The following CDKL1 variants were observed in gnomAD, a reference collection of about 807,000 sequenced individuals.
CDKL1 encodes the protein cyclin-dependent kinase-like 1.
In CDKL1, 41 loss-of-function variants were observed where a neutral mutation model predicts 42.0. The ratio of observed to expected loss-of-function variants is 0.98; its 90% CI spans 0.76 to 1.27. CDKL1 has a LOEUF of 1.27. Among genes scored for constraint, CDKL1 ranks in the 50% most tolerant of loss-of-function variants. The pLI, the probability that CDKL1 is intolerant of heterozygous loss-of-function variation, is 0.00. For synonymous variants in CDKL1, 153 were observed against 158.6 expected, an observed-to-expected ratio of 0.96 and a Z score of 0.26; for missense variants, 394 against 428.4, an observed-to-expected ratio of 0.92 and a Z score of 0.71.
intron 2 of CDKL1, among the ~76,000 whole-genome samples, chr14:50,393,232 A>C (rs2035308897): frequency 6.6e-6 from 1 of 152,198 alleles, no homozygotes; most frequent in South Asian, 2.1e-4. Flanking sequence ...AAGAGTTCTT[A>C]CCAGGCAAGG....
In CDKL1 at chr14:50,332,464, T is replaced by G. The variant is rs183944359; in HGVS notation, c.796-32A>C. Reference sequence around the variant, plus strand: ...GAACAGAAAATTCCTTCTTCTTACTTCTTCAAAATTGTATTAACTTATTAA... The same window carrying G: ...GAACAGAAAATTCCTTCTTCTTACTGCTTCAAAATTGTATTAACTTATTAA... On this transcript the variant is annotated intron_variant, in intron 8 of 9. Coordinates refer to ENST00000395834, the MANE Select transcript of CDKL1 (RefSeq NM_004196.7). 866 of 1,569,874 alleles carry G rather than the reference T, an allele frequency of 5.5e-4. 3 individuals are homozygous for G. The African/African-American group carries it at 0.011, about 19-fold the overall frequency.
intron 7 of CDKL1, 39 bp downstream of exon 7, chr14:50,338,908 G>A: frequency 7.8e-7 from 1 of 1,275,442 alleles, no homozygotes; most frequent in Non-Finnish European, 1.1e-6. Context: ...AGCCTAGCTA[G>A]CCTGGCCTAC....
chr14:50,334,261 A>G (rs11570860), intron 8 of CDKL1: 4,068 of 215,294 alleles, frequency 0.019, 203 homozygotes, highest in East Asian at 0.17. Flanking sequence ...GGCTCAAGCA[A>G]TTCTCCCGCC....
Position 50,341,137 on chromosome 14 carries a change from C to A in CDKL1, c.550G>T (p.Asp184Tyr). 6.2e-7 allele frequency: 1 copy of A among 1,614,214 alleles called. No individual in the cohort carries two copies. Among genetic ancestry groups the A allele is most frequent in the South Asian group, 1.1e-5 (1 of 91,082 alleles). ...VGDTQYGPPV[D>Y]VWAIGCVFAE... is the part of the protein sequence containing the mutation. Reference sequence around the variant, plus strand: ...AAGACACAGCCAATTGCCCAAACATCCACCGGGGGGCCGTACTGCGTGTCC... The same window carrying A: ...AAGACACAGCCAATTGCCCAAACATACACCGGGGGGCCGTACTGCGTGTCC... The change falls in exon 6 of 10, where the codon GAT becomes TAT. Residue 184 changes from aspartate (D) to tyrosine (Y), a missense_variant. Asp to Tyr is a radical substitution (Grantham distance 160). Coordinates refer to ENST00000395834, the MANE Select transcript of CDKL1 (RefSeq NM_004196.7).
chr14:50,342,422 C>A, intron 4 of CDKL1, 200 bp from the exon 5 acceptor site: 1 of 1,339,790 alleles, frequency 7.5e-7, no homozygotes. Context: ...CCTAAAAGGC[C>A]CAAAAGAGCC....
At chr14:50,387,051 C>T (rs1198894679) in intron 2 of CDKL1, among the ~76,000 whole-genome samples, 2 of 123,282 alleles carry the variant, frequency 1.6e-5, no homozygotes, top group South Asian at 2.6e-4. Flanking sequence ...AAAAAGAATA[C>T]AAAGAATTAG....
intron 7 of CDKL1, 75 bp downstream of exon 7, chr14:50,338,872 G>A: frequency 1.1e-6 from 1 of 924,570 alleles, no homozygotes; most frequent in Non-Finnish European, 1.8e-6. Context: ...GTGAGCCATG[G>A]GGCTCAGGAG....
chr14:50,362,228 C>T (rs1177834103), intron 2 of CDKL1: 4 of 362,210 alleles, frequency 1.1e-5, no homozygotes, highest in South Asian at 5.8e-5. Context: ...CAGAACCGCC[C>T]CCTGCTCCGC....
chr14:50,383,562 AAAAC>A (rs2034986173), intron 2 of CDKL1, among the ~76,000 whole-genome samples: 2 of 34,800 alleles, frequency 5.7e-5, no homozygotes, highest in Admixed American at 5.4e-4. Context: ...AAAAAAAAAA[AAAAC>A]AAACAACAAC....
chr14:50,333,758 A>G (rs1403624027), intron 8 of CDKL1: 1 of 152,116 alleles, frequency 6.6e-6, no homozygotes, highest in African/African-American at 2.4e-5. Flanking sequence ...TTACATTATC[A>G]TTTATATTAA....
chr14:50,334,908 CTT>C (rs1027741364), intron 7 of CDKL1: 1 of 227,320 alleles, frequency 4.4e-6, no homozygotes, highest in Non-Finnish European at 7.8e-6. Context: ...TGAAAAAAAA[CTT>C]TTCTGAGCAG....
At chr14:50,370,829 C>T (rs1360441917) in intron 2 of CDKL1, among the ~76,000 whole-genome samples, 1 of 152,146 alleles carries the variant, frequency 6.6e-6, no homozygotes, top group African/African-American at 2.4e-5. Flanking sequence ...CTCACTATCA[C>T]GAAGACAACA....
intron 2 of CDKL1, among the ~76,000 whole-genome samples, chr14:50,389,235 G>C (rs1415266483): frequency 6.6e-5 from 10 of 151,960 alleles, no homozygotes; most frequent in South Asian, 6.2e-4. Flanking sequence ...GGATGCTCTG[G>C]ACATTCTGCA....
chr14:50,381,098 A>G (rs1427593428), intron 2 of CDKL1, among the ~76,000 whole-genome samples: 1 of 152,156 alleles, frequency 6.6e-6, no homozygotes, highest in African/African-American at 2.4e-5. Flanking sequence ...TGCCTAATTT[A>G]CCAAGTGATT....
chr14:50,390,129 C>A, intron 2 of CDKL1: 1 of 1,364,406 alleles, frequency 7.3e-7, no homozygotes, highest in Middle Eastern at 2.1e-4. Flanking sequence ...TTGCCCCTAC[C>A]TGCCACATAG....
At chr14:50,333,838 CATTTT>C (rs915861458) in intron 8 of CDKL1, 8 of 151,498 alleles carry the variant, frequency 5.3e-5, no homozygotes, top group African/African-American at 1.7e-4. Flanking sequence ...AACTTGCAAA[CATTTT>C]AGTTGATACC....
chr14:50,378,598 A>G lies in CDKL1; in HGVS notation c.168+17103T>C, dbSNP rs137892695. Among the ~76,000 whole-genome samples, 924 of 152,154 alleles carry G rather than the reference A, an allele frequency of 6.1e-3. 9 individuals carry two copies. Among genetic ancestry groups the G allele is most frequent in the African/African-American group, 0.021 (858 of 41,510 alleles). The stretch of plus-strand genomic sequence containing the variant: ...ATCCAGGCTGGAGTGCAGTGGCATG[A>G]TCATCGCTCCCTGCAGCCTTGAACT... On this transcript the variant is annotated intron_variant, in intron 2 of 9. Transcript: ENST00000395834.
intron 7 of CDKL1, chr14:50,335,547 A>AAT (rs1278889241): frequency 1.3e-6 from 2 of 1,536,128 alleles, no homozygotes; most frequent in Non-Finnish European, 1.7e-6. Flanking sequence ...TGCTGGAGAC[A>AAT]ATCAGGAATA....
At chr14:50,384,775 A>T (rs1031373175) in intron 2 of CDKL1, among the ~76,000 whole-genome samples, 1 of 151,696 alleles carries the variant, frequency 6.6e-6, no homozygotes, top group African/African-American at 2.4e-5. Context: ...TTACATCACC[A>T]TTGGTTGATG....
Sources: allele counts gnomAD v4.1 joint callset (sites outside exome capture counted in the v4.1 genomes callset), GRCh38; gene constraint gnomAD v4.1.1; transcripts MANE v1.5; gene names NCBI Gene and HGNC (gene_info 2026-07-23, HGNC 2026-07-21).